Variants in CNOT2 observed in about 807,000 individuals in gnomAD.
CNOT2 encodes CCR4-NOT transcription complex subunit 2, also known as CC chemokine receptor 4-negative regulator of transcription 2.
In CNOT2, 7 loss-of-function variants were observed where a neutral mutation model predicts 72.1. That is an observed-to-expected ratio of 0.10 (90% confidence interval 0.06 to 0.18). The LOEUF (loss-of-function observed/expected upper bound fraction) is 0.18. Among genes scored for constraint, CNOT2 ranks in the 10% least tolerant of loss-of-function variants. CNOT2 has a pLI of 1.00. For missense variants in CNOT2, 345 were observed against 660.3 expected, an observed-to-expected ratio of 0.52 and a Z score of 5.23; for synonymous variants, 196 against 225.6, an observed-to-expected ratio of 0.87 and a Z score of 1.17.
rs143597056 is a variant in CNOT2 at position 70,282,194 on chromosome 12, G to C, written c.48+3920G>C. Among the ~76,000 whole-genome samples, 196 of 152,278 alleles carry C rather than the reference G, an allele frequency of 1.3e-3. 3 individuals are homozygous for C. The highest frequency in any genetic ancestry group is 4.2e-3 in the African/African-American group (174 of 41,570). The stretch of plus-strand genomic sequence containing the variant: ...GGTAACATACCAGTGTAAGTGGTAT[G>C]GGAAGGTAGAGGTATTTGCAAGATA... On this transcript the variant is annotated intron_variant, in intron 2 of 15. Coordinates refer to ENST00000229195, the MANE Select transcript of CNOT2 (RefSeq NM_014515.7).
chr12:70,294,955 TGAGA>T (rs546254969), intron 2 of CNOT2, among the ~76,000 whole-genome samples: 23 of 151,010 alleles, frequency 1.5e-4, no homozygotes, highest in Middle Eastern at 3.4e-3. Flanking sequence ...TGTGTGTGTG[TGAGA>T]GAGAGAGAGA....
intron 2 of CNOT2, among the ~76,000 whole-genome samples, chr12:70,294,793 A>G (rs777573019): frequency 1.2e-4 from 18 of 152,238 alleles, no homozygotes; most frequent in Admixed American, 8.5e-4. Flanking sequence ...GAAATTTCAA[A>G]CATCTTTTTC....
chr12:70,274,891 T>C lies in CNOT2; in HGVS notation c.-95-3241T>C, dbSNP rs572268899. Among the ~76,000 whole-genome samples the C allele has an allele frequency of 6.2e-4, 95 of 152,184 alleles. 1 individual carries two copies. Among genetic ancestry groups the C allele is most frequent in the Admixed American group, 2.0e-3 (30 of 15,292 alleles). Reference sequence around the variant, plus strand: ...CCATTTTGTTGTTGAGAGTATTCTGTTGTGTAGATACTCTGTTTATCCATT... The same window carrying C: ...CCATTTTGTTGTTGAGAGTATTCTGCTGTGTAGATACTCTGTTTATCCATT... On this transcript the variant is annotated intron_variant, in intron 1 of 15. Coordinates refer to ENST00000229195, the MANE Select transcript of CNOT2 (RefSeq NM_014515.7).
intron 1 of CNOT2, among the ~76,000 whole-genome samples, chr12:70,267,703 A>G (rs1244667236): frequency 6.6e-6 from 1 of 152,228 alleles, no homozygotes; most frequent in African/African-American, 2.4e-5. Flanking sequence ...TATACTTCAG[A>G]TACTCGTCAC....
chr12:70,349,112 A>G (rs1882559486), intron 15 of CNOT2, among the ~76,000 whole-genome samples: 1 of 152,164 alleles, frequency 6.6e-6, no homozygotes, highest in African/African-American at 2.4e-5. Flanking sequence ...ACTCTTGGTT[A>G]TATTAAAATA....
Position 70,243,554 on chromosome 12 carries a change from A to C in CNOT2, c.-96+74A>C, listed in dbSNP as rs1367984654. 5 of 152,572 alleles carry C rather than the reference A, an allele frequency of 3.3e-5. No homozygotes were observed. The East Asian group carries it at 9.7e-4, about 30-fold the overall frequency. The allele number at this position is 152,572 out of a possible 1,614,324, so 9.5% of individuals were successfully genotyped here. On this transcript the variant is annotated intron_variant, in intron 1 of 15. Coordinates refer to ENST00000229195, the MANE Select transcript of CNOT2 (RefSeq NM_014515.7). ...GGGGCGGCAGATTCGGGGCCCCCGC[A>C]AGGCGGGGGAATGCCCCGGGGCCGG...
chr12:70,297,229 T>C (rs1872963186), intron 2 of CNOT2, among the ~76,000 whole-genome samples: 1 of 152,228 alleles, frequency 6.6e-6, no homozygotes, highest in Non-Finnish European at 1.5e-5. Context: ...AAATTCTAAA[T>C]TACTCAGATC....
chr12:70,264,324 A>G (rs972579647), intron 1 of CNOT2, among the ~76,000 whole-genome samples: 2 of 152,022 alleles, frequency 1.3e-5, no homozygotes, highest in African/African-American at 4.8e-5. Flanking sequence ...CCAAATCTCC[A>G]TATTTTTGAG....
At chr12:70,298,297 T>G (rs1006268777) in intron 2 of CNOT2, among the ~76,000 whole-genome samples, 5 of 152,192 alleles carry the variant, frequency 3.3e-5, no homozygotes, top group African/African-American at 1.2e-4. Flanking sequence ...AATCGGCTTT[T>G]TATTTGCTCC....
rs1423582456 is a variant in CNOT2 at position 70,261,607 on chromosome 12, C to T, written c.-95-16525C>T. Among the ~76,000 whole-genome samples the T allele has an allele frequency of 5.9e-5, 9 of 151,864 alleles. No homozygotes were observed. In the East Asian group the frequency reaches 9.7e-4, roughly 16 times the overall value. The stretch of plus-strand genomic sequence containing the variant: ...CTGGGATTACAGGCGTGAGCTACCA[C>T]GCCTGGCCAGTTTTTGTGCCTATTT... On this transcript the variant is annotated intron_variant, in intron 1 of 15. Coordinates refer to ENST00000229195, the MANE Select transcript of CNOT2 (RefSeq NM_014515.7).
At chr12:70,272,253 T>C (rs1868252934) in intron 1 of CNOT2, among the ~76,000 whole-genome samples, 2 of 152,188 alleles carry the variant, frequency 1.3e-5, no homozygotes, top group African/African-American at 4.8e-5. Context: ...ATAGACAAGG[T>C]TCTTCTGCTT....
At chr12:70,299,656 C>T (rs1805834803) in intron 2 of CNOT2, among the ~76,000 whole-genome samples, 1 of 152,120 alleles carries the variant, frequency 6.6e-6, no homozygotes, top group Non-Finnish European at 1.5e-5. Flanking sequence ...CAAGTCTTTG[C>T]TATTGTGAAT....
At chr12:70,243,362 G>A (rs1797905038), upstream of CNOT2, 1 of 152,702 alleles carries the variant, frequency 6.5e-6, no homozygotes. Context: ...CTGCCGCCTG[G>A]AGGGAAGCCG....
intron 2 of CNOT2, among the ~76,000 whole-genome samples, chr12:70,286,812 G>A (rs113459562): frequency 2.3e-4 from 32 of 137,040 alleles, no homozygotes; most frequent in African/African-American, 7.8e-4. Flanking sequence ...AGTTTTCTTT[G>A]TGGAAGAATC....
In CNOT2 at chr12:70,271,509, G is replaced by A. The variant is rs139956959; in HGVS notation, c.-95-6623G>A. Among the ~76,000 whole-genome samples, 444 of 151,684 alleles carry A rather than the reference G, an allele frequency of 2.9e-3. 1 individual carries two copies. Among genetic ancestry groups the A allele is most frequent in the African/African-American group, 0.01 (428 of 41,328 alleles). Reference sequence around the variant, plus strand: ...CTGCTTCTGCCTCCTGAGCGACTGGGATTACAGGCACCCACCATCACGCCT... The same window carrying A: ...CTGCTTCTGCCTCCTGAGCGACTGGAATTACAGGCACCCACCATCACGCCT... On this transcript the variant is annotated intron_variant, in intron 1 of 15. Coordinates refer to ENST00000229195, the MANE Select transcript of CNOT2 (RefSeq NM_014515.7).
chr12:70,350,045 C>T (rs1882685661), intron 15 of CNOT2, among the ~76,000 whole-genome samples: 1 of 151,614 alleles, frequency 6.6e-6, no homozygotes. Context: ...TTATTCTTTC[C>T]TTTTATATAC....
At chr12:70,250,630 A>G (rs1303495383) in intron 1 of CNOT2, among the ~76,000 whole-genome samples, 1 of 152,122 alleles carries the variant, frequency 6.6e-6, no homozygotes, top group Non-Finnish European at 1.5e-5. Context: ...TAGAAATGGA[A>G]AAAAGATTAA....
intron 3 of CNOT2, 41 bp from the exon 4 acceptor site, chr12:70,319,255 GCT>G (rs773668813): frequency 1.3e-6 from 2 of 1,549,298 alleles, no homozygotes; most frequent in Non-Finnish European, 1.8e-6. Flanking sequence ...GCAATGCTCT[GCT>G]CTGTTTTCTT....
chr12:70,268,628 T>A lies in CNOT2; in HGVS notation c.-95-9504T>A, dbSNP rs79477776. Among the ~76,000 whole-genome samples, 923 of 109,646 alleles carry A rather than the reference T, an allele frequency of 8.4e-3. 8 individuals are homozygous for A. The highest frequency in any genetic ancestry group is 0.02 in the African/African-American group (686 of 34,502). The allele number at this position is 109,646 out of a possible 152,430, so 71.9% of individuals were successfully genotyped here. A position where few individuals can be genotyped will look rare whatever the true frequency, so the allele number is the denominator to read the frequency against. On this transcript the variant is annotated intron_variant, in intron 1 of 15. Coordinates refer to ENST00000229195, the MANE Select transcript of CNOT2 (RefSeq NM_014515.7). ...TCACGCTCAGCTTATTTAAAAAAAA[T>A]TTTTTTTTTTTTGGTAGTGATGGGG...
Sources: allele counts gnomAD v4.1 joint callset (sites outside exome capture counted in the v4.1 genomes callset), GRCh38; gene constraint gnomAD v4.1.1; transcripts MANE v1.5; gene names NCBI Gene and HGNC (gene_info 2026-07-23, HGNC 2026-07-21).